TMCO5A: variants seen among roughly 807,000 people sequenced by gnomAD.
The protein encoded by TMCO5A is transmembrane and coiled-coil domains 5A.
In TMCO5A, 34 loss-of-function variants were observed where a neutral mutation model predicts 42.3. That is an observed-to-expected ratio of 0.80 (90% CI 0.61 to 1.07). TMCO5A has a LOEUF of 1.07. TMCO5A is among the 50% of genes least tolerant of loss of function. The pLI is 0.00. For synonymous variants in TMCO5A, 131 were observed against 115.6 expected, an observed-to-expected ratio of 1.13 and a Z score of -0.86; for missense variants, 357 against 327.9, an observed-to-expected ratio of 1.09 and a Z score of -0.69.
the TMCO5A span, among the ~76,000 whole-genome samples, chr15:38,033,191 T>G: frequency 6.6e-6 from 1 of 152,094 alleles, no homozygotes; most frequent in Admixed American, 6.5e-5. Context: ...GCCTCCGAAA[T>G]TTGGTCTCTT....
chr15:37,943,396 G>A lies in TMCO5A; in HGVS notation c.625G>A (p.Glu209Lys). 6.2e-7 allele frequency: 1 copy of A among 1,612,146 alleles called. No individual in the cohort carries two copies. Among genetic ancestry groups the A allele is most frequent in the Non-Finnish European group, 8.5e-7 (1 of 1,178,996 alleles). ...VEKEHTSQNN[E>K]GTPTQKTARL... is the part of the protein sequence containing the mutation. ...AAAAGAGCATACCAGCCAAAATAATGAGGTAAACACTCCATTCTCTCTTCA... is the reference window on the plus strand; with the variant it reads ...AAAAGAGCATACCAGCCAAAATAATAAGGTAAACACTCCATTCTCTCTTCA... The change falls in exon 10 of 12, where the codon GAG becomes AAG. Residue 209 changes from glutamate (E) to lysine (K), a missense_variant and splice_region_variant. Coordinates refer to ENST00000319669, the MANE Select transcript of TMCO5A (RefSeq NM_152453.4).
the TMCO5A span, among the ~76,000 whole-genome samples, chr15:38,018,998 T>C: frequency 6.6e-6 from 1 of 152,132 alleles, no homozygotes; most frequent in East Asian, 1.9e-4. Context: ...TCACTAAGTA[T>C]GGAGGTAAAG....
At chr15:37,967,071 A>T (rs767836987) in exon 12 of TMCO5A, 1 of 172,134 alleles carries the variant, frequency 5.8e-6, no homozygotes, top group Non-Finnish European at 1.2e-5. Flanking sequence ...TAAGACGGTG[A>T]AAGCTTCTAC....
chr15:38,026,497 C>T, the TMCO5A span, among the ~76,000 whole-genome samples: 28 of 152,096 alleles, frequency 1.8e-4, no homozygotes, highest in Non-Finnish European at 1.5e-4. Context: ...TAAAGGCATT[C>T]GGTTTTATAA....
chr15:38,009,542 G>A, the TMCO5A span, among the ~76,000 whole-genome samples: 1 of 152,088 alleles, frequency 6.6e-6, no homozygotes, highest in Admixed American at 6.6e-5. Context: ...TTTCAATTTG[G>A]GAACTCTAAA....
In TMCO5A at chr15:37,937,326, C is replaced by G. The variant is rs368239279; in HGVS notation, c.265-20C>G. 1 of 1,612,600 alleles carries G rather than the reference C, an allele frequency of 6.2e-7. No homozygotes were observed. The highest frequency in any genetic ancestry group is 1.3e-5 in the African/African-American group (1 of 74,840). Reference sequence around the variant, plus strand: ...GATGGAGTACAGAGGCAGATTTACACTGTTATTTCTCTCTCACAGGAAAGG... The same window carrying G: ...GATGGAGTACAGAGGCAGATTTACAGTGTTATTTCTCTCTCACAGGAAAGG... On this transcript the variant is annotated intron_variant, in intron 4 of 11. Coordinates refer to ENST00000319669, the MANE Select transcript of TMCO5A (RefSeq NM_152453.4).
At chr15:38,010,292 C>T in the TMCO5A span, among the ~76,000 whole-genome samples, 1 of 144,564 alleles carries the variant, frequency 6.9e-6, no homozygotes, top group Admixed American at 7.3e-5. Context: ...AGGAGAATGG[C>T]GTGAATCTGG....
the TMCO5A span, among the ~76,000 whole-genome samples, chr15:37,988,566 G>A: frequency 6.6e-6 from 1 of 151,884 alleles, no homozygotes; most frequent in Non-Finnish European, 1.5e-5. Context: ...ACATAATGGT[G>A]TTAAATTTTG....
rs1158583892 is a variant in TMCO5A at position 37,943,464 on chromosome 15, A to T, written c.627+66A>T. On this transcript the variant is annotated intron_variant, in intron 10 of 11. Transcript: ENST00000319669. ...TGCCTTTCAAAGCCATCTCCAGCAA[A>T]CTATAAGGCACCAAATATATACCCA... The T allele has an allele frequency of 2.7e-6, 4 of 1,507,620 alleles. No individual in the cohort carries two copies. In the Admixed American group the frequency reaches 6.9e-5, roughly 26 times the overall value. The allele number at this position is 1,507,620 out of a possible 1,614,324, so 93.4% of individuals were successfully genotyped here.
chr15:38,021,812 CT>C, the TMCO5A span, among the ~76,000 whole-genome samples: 4,159 of 136,214 alleles, frequency 0.031, 137 homozygotes, highest in African/African-American at 0.1. Context: ...TCGACAGTTT[CT>C]TTTTTTTTTT....
At chr15:38,031,440 C>A in the TMCO5A span, among the ~76,000 whole-genome samples, 2,786 of 152,230 alleles carry the variant, frequency 0.018, 71 homozygotes, top group African/African-American at 0.062. Context: ...ACAACTCCTG[C>A]ACTCAGGTCA....
At chr15:38,001,052 G>T in the TMCO5A span, among the ~76,000 whole-genome samples, 17 of 152,168 alleles carry the variant, frequency 1.1e-4, no homozygotes, top group South Asian at 3.5e-3. Context: ...ATGTTTCTTT[G>T]TTGCTTTTCA....
At chr15:38,029,323 T>C in the TMCO5A span, among the ~76,000 whole-genome samples, 1 of 148,402 alleles carries the variant, frequency 6.7e-6, no homozygotes, top group Non-Finnish European at 1.5e-5. Context: ...CAGGCACACA[T>C]ACACATGTGC....
the TMCO5A span, among the ~76,000 whole-genome samples, chr15:37,982,373 C>A: frequency 6.7e-6 from 1 of 148,540 alleles, no homozygotes; most frequent in Non-Finnish European, 1.5e-5. Flanking sequence ...CTCCACAATG[C>A]CACATATATT....
chr15:37,978,275 A>G, the TMCO5A span, among the ~76,000 whole-genome samples: 3 of 152,194 alleles, frequency 2.0e-5, no homozygotes, highest in Non-Finnish European at 2.9e-5. Context: ...TAAAGCCCTC[A>G]GACTCTTTGT....
At chr15:38,006,904 A>T in the TMCO5A span, among the ~76,000 whole-genome samples, 2 of 151,910 alleles carry the variant, frequency 1.3e-5, no homozygotes, top group Non-Finnish European at 2.9e-5. Context: ...TTTGCAAGTC[A>T]TACAGTCTCT....
At chr15:37,947,509 G>T in intron 10 of TMCO5A, 147 bp from the exon 11 acceptor site, 1 of 587,972 alleles carries the variant, frequency 1.7e-6, no homozygotes, top group South Asian at 2.1e-5. Context: ...TAAAATTTTG[G>T]CCTGAAAATT....
chr15:37,972,491 ATGT>A (rs1890693876), downstream of TMCO5A, among the ~76,000 whole-genome samples: 1 of 152,120 alleles, frequency 6.6e-6, no homozygotes, highest in South Asian at 2.1e-4. Context: ...GTGGTGTGAG[ATGT>A]TATCTCCTTG....
At chr15:37,957,665 C>A (rs978710748) in intron 11 of TMCO5A, among the ~76,000 whole-genome samples, 42 of 152,148 alleles carry the variant, frequency 2.8e-4, no homozygotes, top group African/African-American at 8.9e-4. Context: ...GCCATACTTC[C>A]CAAAGTAATT....
Sources: gnomAD v4.1 joint callset for allele counts (sites outside exome capture counted in the v4.1 genomes callset) on GRCh38, gnomAD v4.1.1 for gene constraint, MANE v1.5 for transcripts, NCBI Gene and HGNC (gene_info 2026-07-23, HGNC 2026-07-21) for gene names.